SCHIP1: variants seen among roughly 807,000 people sequenced by gnomAD.
SCHIP1 encodes the protein schwannomin interacting protein 1, also known as schwannomin-interacting protein 1.
SCHIP1 carries 8 observed loss-of-function variants against 29.7 expected under a neutral mutation model. That is an observed-to-expected ratio of 0.27 (90% CI 0.16 to 0.49). SCHIP1 has a LOEUF of 0.49. Ranked by LOEUF, SCHIP1 falls within the 20% of genes least tolerant of loss-of-function variation. The pLI, the probability that SCHIP1 is intolerant of heterozygous loss-of-function variation, is 0.99. For synonymous variants in SCHIP1, 76 were observed against 94.9 expected (o/e 0.80, Z 1.16); for missense variants, 193 against 294.6 (o/e 0.66, Z 2.52).
the SCHIP1 span, among the ~76,000 whole-genome samples, chr3:159,788,122 G>C: frequency 6.6e-6 from 1 of 152,134 alleles, no homozygotes; most frequent in South Asian, 2.1e-4. Context: ...CTGCTGTTTT[G>C]AGTGAGCTGG....
the SCHIP1 span, among the ~76,000 whole-genome samples, chr3:159,475,834 G>A: frequency 6.6e-6 from 1 of 152,166 alleles, no homozygotes; most frequent in South Asian, 2.1e-4. Context: ...TGAGAGCTGG[G>A]AGTAGAAACA....
At chr3:159,356,552 T>G in the SCHIP1 span, among the ~76,000 whole-genome samples, 1 of 152,162 alleles carries the variant, frequency 6.6e-6, no homozygotes, top group African/African-American at 2.4e-5. Context: ...AAATTACCCA[T>G]TTTAGTATGG....
At chr3:159,563,937 C>CA in the SCHIP1 span, among the ~76,000 whole-genome samples, 2 of 152,310 alleles carry the variant, frequency 1.3e-5, no homozygotes, top group Middle Eastern at 3.4e-3. Context: ...TATGTATCTT[C>CA]AATGGATTTC....
At chr3:159,599,673 AT>A in the SCHIP1 span, among the ~76,000 whole-genome samples, 55 of 152,204 alleles carry the variant, frequency 3.6e-4, no homozygotes, top group South Asian at 1.0e-2. Context: ...CTGGTTTCGT[AT>A]TTTTGCAGTG....
chr3:159,570,818 A>G, the SCHIP1 span, among the ~76,000 whole-genome samples: 1 of 152,002 alleles, frequency 6.6e-6, no homozygotes, highest in South Asian at 2.1e-4. Context: ...TCTTTTATTT[A>G]GTTGAGCAGT....
At chr3:159,360,852 G>T in the SCHIP1 span, among the ~76,000 whole-genome samples, 1 of 152,260 alleles carries the variant, frequency 6.6e-6, no homozygotes, top group Non-Finnish European at 1.5e-5. Flanking sequence ...TACAATGCTG[G>T]AAATTTGTAA....
chr3:159,744,152 A>C, the SCHIP1 span, among the ~76,000 whole-genome samples: 3 of 152,220 alleles, frequency 2.0e-5, no homozygotes, highest in Admixed American at 2.0e-4. Context: ...TTCTGACTTA[A>C]AGTGGAGAGG....
the SCHIP1 span, among the ~76,000 whole-genome samples, chr3:159,774,896 A>G: frequency 2.0e-5 from 3 of 152,196 alleles, no homozygotes; most frequent in Non-Finnish European, 4.4e-5. Context: ...TGTATGTGTA[A>G]TCAAATAACC....
At chr3:159,356,781 G>T in the SCHIP1 span, among the ~76,000 whole-genome samples, 1 of 152,190 alleles carries the variant, frequency 6.6e-6, no homozygotes, top group African/African-American at 2.4e-5. Flanking sequence ...CTTTCTGTCT[G>T]AAGGAGCAAT....
the SCHIP1 span, among the ~76,000 whole-genome samples, chr3:159,739,402 C>T: frequency 6.6e-6 from 1 of 152,154 alleles, no homozygotes; most frequent in African/African-American, 2.4e-5. Flanking sequence ...TTTTCAGTGT[C>T]CACAACAGAG....
At chr3:159,353,902 T>C in the SCHIP1 span, among the ~76,000 whole-genome samples, 1 of 152,220 alleles carries the variant, frequency 6.6e-6, no homozygotes, top group Non-Finnish European at 1.5e-5. Flanking sequence ...TATCCTATTG[T>C]AAACAAATTA....
At chr3:159,459,744 T>C in the SCHIP1 span, among the ~76,000 whole-genome samples, 6 of 152,154 alleles carry the variant, frequency 3.9e-5, no homozygotes, top group African/African-American at 1.4e-4. Context: ...TAGAGATAGA[T>C]CTTTGAAAAT....
chr3:159,678,112 T>TAG, the SCHIP1 span, among the ~76,000 whole-genome samples: 1 of 152,242 alleles, frequency 6.6e-6, no homozygotes, highest in Non-Finnish European at 1.5e-5. Context: ...AAATAAATCT[T>TAG]ATCTGTCTGT....
At chr3:159,444,043 C>G in the SCHIP1 span, among the ~76,000 whole-genome samples, 1 of 148,694 alleles carries the variant, frequency 6.7e-6, no homozygotes, top group South Asian at 2.1e-4. Context: ...AACTGCAGAC[C>G]CTGAGACAAG....
At chr3:159,480,305 C>T in the SCHIP1 span, among the ~76,000 whole-genome samples, 12 of 152,140 alleles carry the variant, frequency 7.9e-5, no homozygotes, top group African/African-American at 2.9e-4. Context: ...ACTATTCTCA[C>T]AAGTTTTTAG....
chr3:159,779,123 C>T, the SCHIP1 span, among the ~76,000 whole-genome samples: 11,141 of 152,100 alleles, frequency 0.073, 1,319 homozygotes, highest in African/African-American at 0.25. Context: ...GGAGAGGGTA[C>T]ATTATAGGCA....
At chr3:159,801,739 C>T in the SCHIP1 span, among the ~76,000 whole-genome samples, 2 of 151,888 alleles carry the variant, frequency 1.3e-5, no homozygotes, top group African/African-American at 4.8e-5. Flanking sequence ...TTCTATATAC[C>T]TTACAATTTT....
At chr3:159,577,056 C>T in the SCHIP1 span, among the ~76,000 whole-genome samples, 1 of 152,090 alleles carries the variant, frequency 6.6e-6, no homozygotes, top group African/African-American at 2.4e-5. Context: ...TTAAATGATT[C>T]AGGCTTTTCC....
At chr3:159,714,956 C>T in the SCHIP1 span, among the ~76,000 whole-genome samples, 2 of 152,186 alleles carry the variant, frequency 1.3e-5, no homozygotes, top group African/African-American at 4.8e-5. Flanking sequence ...TCAAGTGGGC[C>T]CCTAACCCCC....
Sources: gnomAD v4.1 joint callset for allele counts (sites outside exome capture counted in the v4.1 genomes callset) on GRCh38, gnomAD v4.1.1 for gene constraint, MANE v1.5 for transcripts, NCBI Gene and HGNC (gene_info 2026-07-23, HGNC 2026-07-21) for gene names.